The following ZDHHC21 variants were observed in gnomAD, a reference collection of about 807,000 sequenced individuals.
The protein encoded by ZDHHC21 is zDHHC palmitoyltransferase 21, also known as palmitoyltransferase ZDHHC21.
In ZDHHC21, 15 loss-of-function variants were observed where a neutral mutation model predicts 34.6. The ratio of observed to expected loss-of-function variants is 0.43; its 90% CI spans 0.29 to 0.67. ZDHHC21 has a LOEUF of 0.67. Among genes scored for constraint, ZDHHC21 ranks in the 30% least tolerant of loss-of-function variants. ZDHHC21 has a pLI of 0.14. For missense variants in ZDHHC21, 344 were observed against 327.7 expected, an observed-to-expected ratio of 1.05 and a Z score of -0.38; for synonymous variants, 142 against 101.8, an observed-to-expected ratio of 1.40 and a Z score of -2.38.
At chr9:14,662,145 C>G in intron 6 of ZDHHC21, 70 bp downstream of exon 6, 3 of 1,089,264 alleles carry the variant, frequency 2.8e-6, no homozygotes, top group Non-Finnish European at 3.9e-6. Flanking sequence ...TTGTTTAAAG[C>G]TGCCAAGTTG....
At chr9:14,666,413 C>A (rs1293253106) in intron 5 of ZDHHC21, among the ~76,000 whole-genome samples, 2 of 110,950 alleles carry the variant, frequency 1.8e-5, no homozygotes, top group African/African-American at 6.1e-5. Context: ...GACTTTAACA[C>A]CCCACTGTCA....
At chr9:14,599,921 T>C in the ZDHHC21 span, among the ~76,000 whole-genome samples, 1 of 152,096 alleles carries the variant, frequency 6.6e-6, no homozygotes, top group African/African-American at 2.4e-5. Context: ...ATTACCTCAA[T>C]AGATGCAGAA....
intron 2 of ZDHHC21, among the ~76,000 whole-genome samples, chr9:14,688,802 C>T (rs1387799333): frequency 6.6e-6 from 1 of 152,160 alleles, no homozygotes; most frequent in Non-Finnish European, 1.5e-5. Context: ...GCGGAGGTTG[C>T]AGTGAGCCGA....
At chr9:14,656,784 C>G (rs1395098511) in intron 7 of ZDHHC21, among the ~76,000 whole-genome samples, 1 of 151,900 alleles carries the variant, frequency 6.6e-6, no homozygotes, top group Non-Finnish European at 1.5e-5. Flanking sequence ...TGCTAAAATG[C>G]TACTAACATA....
chr9:14,622,812 C>G (rs1477551738), intron 8 of ZDHHC21: 3 of 838,436 alleles, frequency 3.6e-6, no homozygotes, highest in Admixed American at 6.2e-5. Flanking sequence ...AATGGAGTTT[C>G]TAGACCTGCC....
At chr9:14,633,932 C>T (rs1373504338) in intron 8 of ZDHHC21, among the ~76,000 whole-genome samples, 5 of 152,192 alleles carry the variant, frequency 3.3e-5, no homozygotes, top group African/African-American at 9.6e-5. Context: ...TGGAGATCAC[C>T]CCACCAATGC....
At chr9:14,642,227 A>C (rs1829496985) in intron 7 of ZDHHC21, among the ~76,000 whole-genome samples, 1 of 152,196 alleles carries the variant, frequency 6.6e-6, no homozygotes, top group Admixed American at 6.5e-5. Context: ...ATTTTCAAAA[A>C]AACAACTGTA....
At chr9:14,598,132 G>A in the ZDHHC21 span, among the ~76,000 whole-genome samples, 1 of 152,082 alleles carries the variant, frequency 6.6e-6, no homozygotes, top group Non-Finnish European at 1.5e-5. Flanking sequence ...CAAGCTGCCT[G>A]GAGGCTCAAG....
At chr9:14,649,635 A>C (rs1162833330) in intron 7 of ZDHHC21, among the ~76,000 whole-genome samples, 1 of 152,102 alleles carries the variant, frequency 6.6e-6, no homozygotes, top group Non-Finnish European at 1.5e-5. Flanking sequence ...AAGTGAAACA[A>C]ATAATTATTT....
intron 8 of ZDHHC21, among the ~76,000 whole-genome samples, chr9:14,628,304 T>C (rs151244160): frequency 0.015 from 2,237 of 152,278 alleles, 31 homozygotes; most frequent in Middle Eastern, 0.051. Flanking sequence ...AGATTATCAC[T>C]GCTATGATTA....
At chr9:14,653,140 C>T (rs1355162698) in intron 7 of ZDHHC21, among the ~76,000 whole-genome samples, 1 of 151,834 alleles carries the variant, frequency 6.6e-6, no homozygotes, top group Non-Finnish European at 1.5e-5. Flanking sequence ...ATTCCATATC[C>T]TGAATAATAG....
intron 2 of ZDHHC21, among the ~76,000 whole-genome samples, chr9:14,682,251 G>T (rs911846460): frequency 6.6e-6 from 1 of 152,120 alleles, no homozygotes; most frequent in Non-Finnish European, 1.5e-5. Context: ...CTGGCAAATT[G>T]GATAAAGAGT....
At chr9:14,658,390 T>C (rs914534542) in intron 7 of ZDHHC21, among the ~76,000 whole-genome samples, 6 of 150,974 alleles carry the variant, frequency 4.0e-5, no homozygotes, top group African/African-American at 1.5e-4. Flanking sequence ...GTTTCCAATC[T>C]TTTGTACTTA....
At chr9:14,647,275 C>T (rs1037047480) in intron 7 of ZDHHC21, among the ~76,000 whole-genome samples, 1 of 151,982 alleles carries the variant, frequency 6.6e-6, no homozygotes, top group African/African-American at 2.4e-5. Flanking sequence ...CAGTGGGGGG[C>T]ACCACCTCTT....
chr9:14,634,742 G>C lies in ZDHHC21; in HGVS notation c.621+5154C>G, dbSNP rs183035826. ...ATTCAAAAAATTGGAAAAAACATCT[G>C]TTACAACAGACGCATAGATATCAAC... On this transcript the variant is annotated intron_variant, in intron 8 of 9. Coordinates refer to ENST00000380916, the MANE Select transcript of ZDHHC21 (RefSeq NM_178566.6). 5.9e-5 allele frequency among the ~76,000 whole-genome samples: 9 copies of C among 152,184 alleles called. No individual in the cohort carries two copies. In the East Asian group the frequency reaches 1.7e-3, roughly 29 times the overall value.
At chr9:14,679,860 G>C (rs1354797920) in intron 3 of ZDHHC21, among the ~76,000 whole-genome samples, 173 bp downstream of exon 3, 1 of 151,978 alleles carries the variant, frequency 6.6e-6, no homozygotes, top group Admixed American at 6.6e-5. Context: ...TATAGAAAAA[G>C]TCTTATTTAA....
intron 8 of ZDHHC21, among the ~76,000 whole-genome samples, chr9:14,621,956 A>C (rs1367868497): frequency 6.6e-6 from 1 of 152,174 alleles, no homozygotes; most frequent in East Asian, 1.9e-4. Context: ...AGTGCTCATC[A>C]TGAAAGGACC....
rs1824720122 is a variant in ZDHHC21 at position 14,618,819 on chromosome 9, T to C, written c.*147A>G. ...AGTCCCACAACAGGATCAAGATCAC[T>C]ATTAAAATAAAGCCTGGGGCACATT... On this transcript the variant is annotated 3_prime_UTR_variant, in exon 10 of 10. Coordinates refer to ENST00000380916, the MANE Select transcript of ZDHHC21 (RefSeq NM_178566.6). 1.3e-6 allele frequency: 1 copy of C among 780,294 alleles called. No homozygotes were observed. Among genetic ancestry groups the C allele is most frequent in the African/African-American group, 1.8e-5 (1 of 55,866 alleles). 48.3% of individuals were successfully genotyped at this position (780,294 alleles called of 1,614,324 possible).
chr9:14,685,284 A>C (rs1236780507), intron 2 of ZDHHC21, among the ~76,000 whole-genome samples: 8 of 151,940 alleles, frequency 5.3e-5, no homozygotes, highest in African/African-American at 9.7e-5. Flanking sequence ...GAATGGGAGA[A>C]AATTTTTGCA....
Sources: allele counts gnomAD v4.1 joint callset (sites outside exome capture counted in the v4.1 genomes callset), GRCh38; gene constraint gnomAD v4.1.1; transcripts MANE v1.5; gene names NCBI Gene and HGNC (gene_info 2026-07-23, HGNC 2026-07-21).